The following ATP8A1 variants were observed in gnomAD, a reference collection of about 807,000 sequenced individuals.
ATP8A1 encodes the protein ATPase phospholipid transporting 8A1, also known as phospholipid-transporting ATPase IA.
Under a neutral mutation model 177.7 loss-of-function variants are expected in ATP8A1, and 90 were observed. That is an observed-to-expected ratio of 0.51 (90% CI 0.43 to 0.60). The LOEUF (loss-of-function observed/expected upper bound fraction) is 0.60. Ranked by LOEUF, ATP8A1 falls within the 20% of genes least tolerant of loss-of-function variation. ATP8A1 has a pLI of 0.00. For missense variants in ATP8A1, 1,072 were observed against 1,392.8 expected, an observed-to-expected ratio of 0.77 and a Z score of 3.67; for synonymous variants, 493 against 485.9, an observed-to-expected ratio of 1.01 and a Z score of -0.19.
intron 1 of ATP8A1, among the ~76,000 whole-genome samples, chr4:42,648,372 G>A (rs112136371): frequency 6.6e-6 from 1 of 151,924 alleles, no homozygotes; most frequent in South Asian, 2.1e-4. Context: ...CGGGTGGGGT[G>A]GGGGGAAGGG....
In ATP8A1 at chr4:42,485,486, G is replaced by A. The variant is rs371121296; in HGVS notation, c.2324+10C>T. 5 of 1,597,964 alleles carry A rather than the reference G, an allele frequency of 3.1e-6. No individual in the cohort carries two copies. The African/African-American group carries it at 6.7e-5, about 22-fold the overall frequency. ...TTTACTAAAATCTGACAATGATAAG[G>A]AGAACTTACCGACAGCAAATGACAG... On this transcript the variant is annotated intron_variant, in intron 25 of 36. Transcript: ENST00000381668.
intron 15 of ATP8A1, among the ~76,000 whole-genome samples, chr4:42,558,150 C>T (rs1319269176): frequency 6.6e-6 from 1 of 152,144 alleles, no homozygotes; most frequent in Admixed American, 6.5e-5. Flanking sequence ...TTCCACCACT[C>T]CTCTCCAAAA....
chr4:42,471,894 G>T, intron 25 of ATP8A1: 1 of 635,452 alleles, frequency 1.6e-6, no homozygotes. Flanking sequence ...AGGCTCTTCT[G>T]GAGCTGGAGA....
chr4:42,476,138 A>T (rs1279360570), intron 25 of ATP8A1, among the ~76,000 whole-genome samples: 2 of 152,214 alleles, frequency 1.3e-5, no homozygotes, highest in African/African-American at 4.8e-5. Flanking sequence ...TCAGTTCCTG[A>T]GCACTACAGC....
intron 35 of ATP8A1, among the ~76,000 whole-genome samples, chr4:42,417,911 T>C (rs1300505065): frequency 6.6e-6 from 1 of 152,208 alleles, no homozygotes; most frequent in Non-Finnish European, 1.5e-5. Context: ...TTCTGTCACT[T>C]TTCTTTCTGA....
At chr4:42,488,260 A>T (rs1227919337) in intron 24 of ATP8A1, among the ~76,000 whole-genome samples, 2 of 152,216 alleles carry the variant, frequency 1.3e-5, no homozygotes, top group Non-Finnish European at 2.9e-5. Context: ...CATCCTGAGC[A>T]GGAGGCACTA....
chr4:42,581,202 C>T (rs1023547115), intron 10 of ATP8A1, among the ~76,000 whole-genome samples: 10 of 151,914 alleles, frequency 6.6e-5, no homozygotes, highest in Non-Finnish European at 1.3e-4. Flanking sequence ...GGCGCGATCT[C>T]GGCTCACTGC....
chr4:42,463,868 TTG>T (rs745941070), intron 27 of ATP8A1, among the ~76,000 whole-genome samples: 6 of 152,218 alleles, frequency 3.9e-5, no homozygotes, highest in Non-Finnish European at 8.8e-5. Flanking sequence ...AGAGGGATGC[TTG>T]TATGTAACAA....
chr4:42,572,779 A>G (rs1316259364), intron 14 of ATP8A1, among the ~76,000 whole-genome samples: 1 of 152,206 alleles, frequency 6.6e-6, no homozygotes, highest in African/African-American at 2.4e-5. Context: ...AGGACTTTAG[A>G]AATGGTTTGG....
At chr4:42,546,932 C>T (rs892098554) in intron 19 of ATP8A1, among the ~76,000 whole-genome samples, 1 of 152,210 alleles carries the variant, frequency 6.6e-6, no homozygotes, top group African/African-American at 2.4e-5. Context: ...AACCCTTACC[C>T]TCATGGCTTA....
chr4:42,489,715 G>C (rs1321808721), intron 24 of ATP8A1, among the ~76,000 whole-genome samples: 1 of 152,010 alleles, frequency 6.6e-6, no homozygotes, highest in Non-Finnish European at 1.5e-5. Context: ...AAACTTTATT[G>C]CTTCTCCCCT....
intron 2 of ATP8A1, chr4:42,625,967 A>G (rs1479791665): frequency 3.9e-6 from 1 of 255,998 alleles, no homozygotes; most frequent in African/African-American, 2.2e-5. Context: ...TATTCTGCTT[A>G]ACATTACTAG....
chr4:42,619,641 A>T lies in ATP8A1; in HGVS notation c.364-3563T>A, dbSNP rs527487066. The stretch of plus-strand genomic sequence containing the variant: ...ATATATATATATATTTTAAAATTTT[A>T]AATCTATATATATAGAGAGATTTAA... On this transcript the variant is annotated intron_variant, in intron 4 of 36. Transcript: ENST00000381668. Among the ~76,000 whole-genome samples the T allele has an allele frequency of 5.2e-4, 79 of 151,206 alleles. 1 individual carries two copies. The highest frequency in any genetic ancestry group is 7.2e-4 in the Admixed American group (11 of 15,180).
At chr4:42,641,908 A>C (rs530749181) in intron 1 of ATP8A1, among the ~76,000 whole-genome samples, 19 of 152,364 alleles carry the variant, frequency 1.2e-4, no homozygotes, top group African/African-American at 4.1e-4. Flanking sequence ...CATTAATCTC[A>C]GAATGAGTCA....
At position 42,422,897 on chromosome 4, in the gene ATP8A1, A is replaced by G. The variant is rs147185371; in HGVS notation, c.3215T>C (p.Ile1072Thr). ...SLLLDVVYKV[I>T]KRTAFKTLVD... ...CAATGTTTTAAAAGCAGTCCTCTTGATACTGCAAAAAGAAAAAAAAAGGGA... is the reference window on the plus strand; with the variant it reads ...CAATGTTTTAAAAGCAGTCCTCTTGGTACTGCAAAAAGAAAAAAAAAGGGA... The change falls in exon 35 of 37, where the codon ATC becomes ACC. Residue 1072 changes from isoleucine to threonine, a missense_variant and splice_region_variant. Around this residue, in one of 5 missense-constraint regions of ATP8A1, gnomAD observed 316 missense variants for 459.1 expected, o/e 0.69. Transcript: ENST00000381668. The G allele has an allele frequency of 5.0e-6, 8 of 1,604,904 alleles. No individual in the cohort carries two copies. The highest frequency in any genetic ancestry group is 2.2e-5 in the East Asian group (1 of 44,822).
intron 1 of ATP8A1, among the ~76,000 whole-genome samples, chr4:42,638,881 G>A (rs371171160): frequency 2.6e-5 from 4 of 152,064 alleles, no homozygotes; most frequent in African/African-American, 4.8e-5. Context: ...AAAATGCACA[G>A]GAAACAAGGC....
At position 42,435,426 on chromosome 4, in the gene ATP8A1, CAAAAAAA is replaced by C. The variant is rs55945370; in HGVS notation, c.3123+8132_3123+8138del. Among the ~76,000 whole-genome samples the C allele has an allele frequency of 1.2e-4, 11 of 93,958 alleles. 1 individual carries two copies. The highest frequency in any genetic ancestry group is 2.2e-4 in the Admixed American group (2 of 9,234). 61.6% of individuals were successfully genotyped at this position (93,958 alleles called of 152,430 possible). A position where few individuals can be genotyped will look rare whatever the true frequency, so the allele number is the denominator to read the frequency against. On this transcript the variant is annotated intron_variant, in intron 33 of 36. Transcript: ENST00000381668. ...GGGGGACAAGAGCGAGACTTCATCT[CAAAAAAA>C]AAAAAAAAAAAAAAAACAAAAAAAA... is the stretch of plus-strand genomic sequence containing the variant.
At chr4:42,638,469 T>C (rs544710813) in intron 1 of ATP8A1, among the ~76,000 whole-genome samples, 1 of 152,338 alleles carries the variant, frequency 6.6e-6, no homozygotes, top group South Asian at 2.1e-4. Flanking sequence ...AGGAAATCTA[T>C]AGTATGCCTA....
intron 30 of ATP8A1, among the ~76,000 whole-genome samples, chr4:42,450,347 A>G (rs1717800688): frequency 6.6e-6 from 1 of 152,194 alleles, no homozygotes; most frequent in African/African-American, 2.4e-5. Flanking sequence ...GTGATTGCCA[A>G]TGGATATGGG....
Sources: gnomAD v4.1 joint callset for allele counts (sites outside exome capture counted in the v4.1 genomes callset) on GRCh38, gnomAD v4.1.1 for gene constraint, gnomAD v4.1.1 regional missense constraint, MANE v1.5 for transcripts, NCBI Gene and HGNC (gene_info 2026-07-23, HGNC 2026-07-21) for gene names.